MYO3B: variants seen among roughly 807,000 people sequenced by gnomAD.
MYO3B encodes myosin-IIIb.
Under a neutral mutation model 174.6 loss-of-function variants are expected in MYO3B, and 156 were observed. The observed-to-expected ratio is 0.89, with a 90% CI of 0.78 to 1.02. The LOEUF (loss-of-function observed/expected upper bound fraction) is 1.02, where lower values mean the gene tolerates loss of function less well. MYO3B is among the 50% of genes least tolerant of loss of function. MYO3B has a pLI of 0.00. For missense variants in MYO3B, 1,632 were observed against 1,639.4 expected, an observed-to-expected ratio of 1.00 and a Z score of 0.08; for synonymous variants, 563 against 569.1, an observed-to-expected ratio of 0.99 and a Z score of 0.15.
At chr2:170,242,707 G>A (rs932506039) in intron 7 of MYO3B, among the ~76,000 whole-genome samples, 5 of 152,144 alleles carry the variant, frequency 3.3e-5, no homozygotes, top group African/African-American at 9.7e-5. Context: ...ACAGGCCAAA[G>A]GTGCGAGGGG....
intron 30 of MYO3B, among the ~76,000 whole-genome samples, chr2:170,539,670 A>T (rs1181173436): frequency 6.6e-6 from 1 of 151,190 alleles, no homozygotes; most frequent in African/African-American, 2.4e-5. Context: ...TCCAGGCTGG[A>T]GTGCAGTGGT....
chr2:170,216,046 G>A (rs950200434), intron 5 of MYO3B, among the ~76,000 whole-genome samples: 1 of 152,158 alleles, frequency 6.6e-6, no homozygotes, highest in Non-Finnish European at 1.5e-5. Flanking sequence ...TTGTGGTGGA[G>A]GACTTGGTAA....
rs892275566 is a variant in MYO3B, at chr2:170,464,494, G to A, written c.2808+1049G>A. 4.6e-5 allele frequency among the ~76,000 whole-genome samples: 7 copies of A among 152,286 alleles called. No individual in the cohort carries two copies. The East Asian group carries it at 1.4e-3, about 29-fold the overall frequency. ...GATGGGAAGCTGGAAGAGCCAGGAA[G>A]GCTGAAGGGCAGGACTTGGGAGCCA... On this transcript the variant is annotated intron_variant, in intron 24 of 34. Transcript: ENST00000408978.
intron 28 of MYO3B, among the ~76,000 whole-genome samples, chr2:170,505,578 C>T (rs1476131127): frequency 6.6e-6 from 1 of 152,188 alleles, no homozygotes; most frequent in Non-Finnish European, 1.5e-5. Context: ...AAAAAGCTTA[C>T]ATTCCTCAGT....
chr2:170,492,407 G>A (rs1686552240), intron 25 of MYO3B, among the ~76,000 whole-genome samples: 1 of 152,188 alleles, frequency 6.6e-6, no homozygotes, highest in African/African-American at 2.4e-5. Flanking sequence ...AGCTGCCTAG[G>A]TGGTAGCTCT....
chr2:170,484,933 C>T (rs1685934292), intron 25 of MYO3B, among the ~76,000 whole-genome samples: 2 of 152,040 alleles, frequency 1.3e-5, no homozygotes, highest in Non-Finnish European at 2.9e-5. Context: ...GTTCTGCTAC[C>T]TCCATTATCT....
chr2:170,239,276 C>T (rs112752980), intron 7 of MYO3B, among the ~76,000 whole-genome samples: 3 of 152,076 alleles, frequency 2.0e-5, no homozygotes, highest in South Asian at 4.1e-4. Context: ...AAAAGAGATC[C>T]GTTTCATAGA....
chr2:170,452,587 T>C (rs971919846), intron 23 of MYO3B, among the ~76,000 whole-genome samples: 1 of 152,230 alleles, frequency 6.6e-6, no homozygotes. Flanking sequence ...TAAAATCTCT[T>C]ATTCCAGACT....
At chr2:170,645,242 A>C (rs559756830) in intron 32 of MYO3B, among the ~76,000 whole-genome samples, 2 of 152,124 alleles carry the variant, frequency 1.3e-5, no homozygotes, top group African/African-American at 2.4e-5. Context: ...AAGCCAAGGC[A>C]GGTGGATTGC....
At chr2:170,619,357 C>T (rs191025746) in intron 32 of MYO3B, among the ~76,000 whole-genome samples, 7 of 152,164 alleles carry the variant, frequency 4.6e-5, no homozygotes, top group African/African-American at 1.7e-4. Flanking sequence ...CTGGCATTGT[C>T]TTTACACAAT....
intron 32 of MYO3B, chr2:170,602,171 C>CA (rs1013820831): frequency 3.2e-6 from 4 of 1,243,764 alleles, no homozygotes; most frequent in African/African-American, 2.9e-5. Flanking sequence ...CAAGTTTGCA[C>CA]AAAAAATGCA....
rs1228674269 is a variant in MYO3B at position 170,483,425 on chromosome 2, C to G, written c.3015-15167C>G. 1.1e-4 allele frequency among the ~76,000 whole-genome samples: 10 copies of G among 93,702 alleles called. No homozygotes were observed. The Admixed American group carries it at 1.5e-3, about 14-fold the overall frequency. The allele number at this position is 93,702 out of a possible 152,430, so 61.5% of individuals were successfully genotyped here. On this transcript the variant is annotated intron_variant, in intron 25 of 34. Coordinates refer to ENST00000408978, the MANE Select transcript of MYO3B (RefSeq NM_138995.5). ...TTTTTGAGACGGAGTCTAGCTCTGT[C>G]GCCCAGGCTGGAGTGCAGTGGCGCG...
intron 7 of MYO3B, among the ~76,000 whole-genome samples, chr2:170,282,749 G>C (rs746424302): frequency 6.6e-6 from 1 of 152,084 alleles, no homozygotes; most frequent in Non-Finnish European, 1.5e-5. Flanking sequence ...TGGGTAGCGT[G>C]CTAGAGTGGG....
intron 7 of MYO3B, among the ~76,000 whole-genome samples, chr2:170,327,291 A>T (rs1029904887): frequency 4.9e-4 from 75 of 152,362 alleles, no homozygotes; most frequent in African/African-American, 1.7e-3. Flanking sequence ...AGGCTGAGGC[A>T]GGAGAATCGC....
chr2:170,399,208 C>T (rs1230203505), intron 16 of MYO3B, among the ~76,000 whole-genome samples: 2 of 135,886 alleles, frequency 1.5e-5, no homozygotes, highest in African/African-American at 2.7e-5. Flanking sequence ...CGCCATTGCA[C>T]TCCAGCCTGG....
In MYO3B at chr2:170,525,606, A is replaced by G. The variant is rs567728293; in HGVS notation, c.3575+6066A>G. ...AAGCTGCTTCGTTATGGGCCCTTCA[A>G]TGAGGATTCAGATTCAGAGTGATGG... On this transcript the variant is annotated intron_variant, in intron 30 of 34. Coordinates refer to ENST00000408978, the MANE Select transcript of MYO3B (RefSeq NM_138995.5). Among the ~76,000 whole-genome samples the G allele has an allele frequency of 1.7e-4, 26 of 152,330 alleles. No homozygotes were observed. In the South Asian group the frequency reaches 4.8e-3, roughly 28 times the overall value.
intron 12 of MYO3B, among the ~76,000 whole-genome samples, chr2:170,384,520 G>T (rs2094359089): frequency 6.6e-6 from 1 of 152,142 alleles, no homozygotes; most frequent in Non-Finnish European, 1.5e-5. Context: ...ATCTGGAAAA[G>T]TCCCAGCTTT....
chr2:170,479,346 TA>T (rs1200337164), intron 25 of MYO3B, among the ~76,000 whole-genome samples: 2 of 147,332 alleles, frequency 1.4e-5, no homozygotes, highest in African/African-American at 4.9e-5. Context: ...TGTATGTATA[TA>T]AAACCTATAT....
At chr2:170,367,502 G>A (rs888014501) in intron 8 of MYO3B, among the ~76,000 whole-genome samples, 1 of 152,134 alleles carries the variant, frequency 6.6e-6, no homozygotes, top group Admixed American at 6.6e-5. Context: ...TGCATCTTCA[G>A]TAGGAACTCT....
Sources: gnomAD v4.1 joint callset for allele counts (sites outside exome capture counted in the v4.1 genomes callset) on GRCh38, gnomAD v4.1.1 for gene constraint, MANE v1.5 for transcripts, NCBI Gene and HGNC (gene_info 2026-07-23, HGNC 2026-07-21) for gene names.